Variants in KMT2D observed in about 807,000 individuals in gnomAD.
The protein encoded by KMT2D is histone-lysine N-methyltransferase 2D.
A neutral mutation model predicts 512.7 loss-of-function variants in KMT2D; 55 were observed. The ratio of observed to expected loss-of-function variants is 0.11; its 90% CI spans 0.09 to 0.13. KMT2D has a LOEUF of 0.13. KMT2D is among the 10% of genes least tolerant of loss of function. The pLI is 1.00. For missense variants in KMT2D, 6,061 were observed against 7,127.9 expected (o/e 0.85, Z 5.39); for synonymous variants, 2,995 against 2,904.0 (o/e 1.03, Z -1.01).
Position 49,033,645 on chromosome 12 carries a change from C to A in KMT2D, c.11060G>T (p.Gly3687Val). Residue 3687 changes from glycine (G) to valine (V), a missense_variant, in exon 40 of 55, where the codon GGT (glycine) becomes GTT (valine). Transcript: ENST00000301067. ...LAQQQQQQHS[G>V]GAGSLAGPSG... The stretch of plus-strand genomic sequence containing the variant: ...AGGGCCAGCCAGGGATCCAGCCCCA[C>A]CAGAATGTTGCTGTTGCTGCTGTTG... 6.2e-7 allele frequency: 1 copy of A among 1,613,764 alleles called. No individual in the cohort carries two copies. Among genetic ancestry groups the A allele is most frequent in the Non-Finnish European group, 8.5e-7 (1 of 1,179,900 alleles).
In KMT2D at chr12:49,043,443, C is replaced by T. The variant is rs2120568778; in HGVS notation, c.5468-15G>A. On this transcript the variant is annotated splice_polypyrimidine_tract_variant and intron_variant, in intron 24 of 54. Transcript: ENST00000301067. ...ACCATCATCTCCTATGAGCAAGAGT[C>T]CCCCCTCCAATCAGAGATGTCCTAC... 4 of 1,613,354 alleles carry T rather than the reference C, an allele frequency of 2.5e-6. No individual in the cohort carries two copies. The highest frequency in any genetic ancestry group is 3.4e-6 in the Non-Finnish European group (4 of 1,179,414).
At position 49,026,279 on chromosome 12, in the gene KMT2D, G is replaced by A. The variant is rs777880537; in HGVS notation, c.15687C>T (p.Arg5229=). The A allele has an allele frequency of 1.7e-5, 27 of 1,611,724 alleles. No homozygotes were observed. The South Asian group carries it at 2.7e-4, about 16-fold the overall frequency. The stretch of plus-strand genomic sequence containing the variant: ...GCCCGTTGTTCTCACCAATAGAACA[G>A]CGATAGCAGCAGCGACGATTGTTGG... ...LRTNNRRCCY[R]CSIGENNGRP... Residue 5229 remains arginine, a synonymous_variant, in exon 49 of 55, where the codon CGC becomes CGT. Coordinates refer to ENST00000301067, the MANE Select transcript of KMT2D (RefSeq NM_003482.4). This position sits in a 1 kb window ranked among gnomAD's most constrained non-coding sequence, Gnocchi z 9.6.
chr12:49,045,595 G>A (rs971146566), intron 19 of KMT2D, among the ~76,000 whole-genome samples: 1 of 148,606 alleles, frequency 6.7e-6, no homozygotes, highest in Non-Finnish European at 1.5e-5. Context: ...AATGTGCCAA[G>A]CTTGTGCCAC....
rs746686582 is a variant in KMT2D at position 49,042,360 on chromosome 12, C to T, written c.5868-30G>A. On this transcript the variant is annotated intron_variant, in intron 28 of 54. Coordinates refer to ENST00000301067, the MANE Select transcript of KMT2D (RefSeq NM_003482.4). This position sits in a 1 kb window ranked among gnomAD's most constrained non-coding sequence, Gnocchi z 4.4. ...GGCGCAGGGGCAGAGAGTCACAGGG[C>T]GCAGGGATGCCAAGTCCCACCCCAG... is the stretch of plus-strand genomic sequence containing the variant. The T allele has an allele frequency of 2.2e-5, 33 of 1,499,642 alleles. No homozygotes were observed. Among genetic ancestry groups the T allele is most frequent in the East Asian group, 4.9e-5 (2 of 40,930 alleles). 92.9% of individuals were successfully genotyped at this position (1,499,642 alleles called of 1,614,324 possible).
chr12:49,035,087 G>C (rs573635774), intron 35 of KMT2D, among the ~76,000 whole-genome samples, 152 bp from the exon 36 acceptor site: 1 of 152,276 alleles, frequency 6.6e-6, no homozygotes, highest in East Asian at 1.9e-4. Context: ...CAGTCGGCCT[G>C]GGTGAATCAG....
rs757142861 is a variant in KMT2D at position 49,051,165 on chromosome 12, G to A, written c.2518C>T (p.Pro840Ser). The A allele has an allele frequency of 4.0e-6, 6 of 1,513,596 alleles. No individual in the cohort carries two copies. The highest frequency in any genetic ancestry group is 5.3e-6 in the Non-Finnish European group (6 of 1,128,118). The allele number at this position is 1,513,596 out of a possible 1,614,324, so 93.8% of individuals were successfully genotyped here. Reference sequence around the variant, plus strand: ...TCCTCAGGCCGGGGGGACAGGCATGGCTCCTCAGACTGGGGGGACAGGTGT... The same window carrying A: ...TCCTCAGGCCGGGGGGACAGGCATGACTCCTCAGACTGGGGGGACAGGTGT... ...ESHLSPQSEE[P>S]CLSPRPEESH... Residue 840 changes from proline to serine, a missense_variant, in exon 11 of 55, where the codon CCA becomes TCA. Coordinates refer to ENST00000301067, the MANE Select transcript of KMT2D (RefSeq NM_003482.4).
At position 49,044,800 on chromosome 12, in the gene KMT2D, C is replaced by A. The variant is rs2120587797; in HGVS notation, c.4907G>T (p.Gly1636Val). The change falls in exon 20 of 55, where the codon GGC becomes GTC. Residue 1636 changes from glycine to valine, a missense_variant. Coordinates refer to ENST00000301067, the MANE Select transcript of KMT2D (RefSeq NM_003482.4). The surrounding 1 kb of genome is among the most constrained non-coding windows in gnomAD (Gnocchi z 6.4). ...LEGSEPSDAL[G>V]PDDKKDGDLD... ...GTCCCCATCCTTCTTGTCATCAGGG[C>A]CAAGGGCATCTGAGGGCTCAGAACC... The A allele has an allele frequency of 1.9e-6, 3 of 1,614,056 alleles. No individual in the cohort carries two copies. The highest frequency in any genetic ancestry group is 2.5e-6 in the Non-Finnish European group (3 of 1,179,896).
Position 49,053,521 on chromosome 12 carries a change from C to A in KMT2D, c.794G>T (p.Arg265Leu). 6.2e-7 allele frequency: 1 copy of A among 1,606,310 alleles called. No homozygotes were observed. Among genetic ancestry groups the A allele is most frequent in the Non-Finnish European group, 8.5e-7 (1 of 1,176,276 alleles). ...CLDTALTARK[R>L]AGWQCPECKV... ...GCATTCAGGGCACTGCCAGCCAGCA[C>A]GTTTGCGGGCAGTCAGAGCAGTGTC... The change falls in exon 7 of 55, where the codon CGT becomes CTT. Residue 265 changes from arginine (R) to leucine (L), a missense_variant. Transcript: ENST00000301067.
In KMT2D at chr12:49,046,006, G is replaced by C. The variant is rs2120598204; in HGVS notation, c.4694-39C>G. 6.2e-7 allele frequency: 1 copy of C among 1,613,534 alleles called. No individual in the cohort carries two copies. Among genetic ancestry groups the C allele is most frequent in the Non-Finnish European group, 8.5e-7 (1 of 1,179,578 alleles). On this transcript the variant is annotated intron_variant, in intron 18 of 54. Transcript: ENST00000301067. This position sits in a 1 kb window ranked among gnomAD's most constrained non-coding sequence, Gnocchi z 4.2. ...GACAAACGGAGGTGGCTGAGGTCCTGTCCCAAAGCAAGGTACCCCTGCTCT... is the reference window on the plus strand; with the variant it reads ...GACAAACGGAGGTGGCTGAGGTCCTCTCCCAAAGCAAGGTACCCCTGCTCT...
At position 49,024,846 on chromosome 12, in the gene KMT2D, C is replaced by T. The variant is rs747026806; in HGVS notation, c.15885G>A (p.Gly5295=). 6.2e-7 allele frequency: 1 copy of T among 1,612,488 alleles called. No individual in the cohort carries two copies. The highest frequency in any genetic ancestry group is 1.1e-5 in the South Asian group (1 of 90,724). ...PEYLKGEELF[G]LTVHAVLRIA... is the part of the protein sequence containing the mutation. ...TGCGAAGCACGGCATGCACCGTCAG[C>T]CCAAAGAGCTCCTCGCCCTTCAGAT... Residue 5295 remains glycine (G), a synonymous_variant, in exon 50 of 55, where the codon GGG becomes GGA. Coordinates refer to ENST00000301067, the MANE Select transcript of KMT2D (RefSeq NM_003482.4). This position sits in a 1 kb window ranked among gnomAD's most constrained non-coding sequence, Gnocchi z 4.5.
In KMT2D at chr12:49,046,551, A is replaced by G. The variant is rs2120608454; in HGVS notation, c.4418+58T>C. 6 of 1,578,596 alleles carry G rather than the reference A, an allele frequency of 3.8e-6. No homozygotes were observed. The highest frequency in any genetic ancestry group is 1.2e-5 in the South Asian group (1 of 86,120). ...CAGCCTCTGTCACATACTCAACATC[A>G]TATCCACTTTAACATCTCAAGGCCC... On this transcript the variant is annotated intron_variant, in intron 16 of 54. Transcript: ENST00000301067. The surrounding 1 kb of genome is among the most constrained non-coding windows in gnomAD (Gnocchi z 4.2).
At position 49,024,727 on chromosome 12, in the gene KMT2D, C is replaced by T. The variant is rs992466578; in HGVS notation, c.15922-19G>A. On this transcript the variant is annotated intron_variant, in intron 50 of 54. Coordinates refer to ENST00000301067, the MANE Select transcript of KMT2D (RefSeq NM_003482.4). This position sits in a 1 kb window ranked among gnomAD's most constrained non-coding sequence, Gnocchi z 4.5. ...CGGGCAGCTGTGGGCACAGTTCATA[C>T]TCACCTTAGCCTGAGTTTTTTTGGG... 5.0e-6 allele frequency: 8 copies of T among 1,612,140 alleles called. No homozygotes were observed. The highest frequency in any genetic ancestry group is 1.3e-5 in the African/African-American group (1 of 74,892).
In KMT2D at chr12:49,046,277, C is replaced by T. The variant is rs761690311; in HGVS notation, c.4566G>A (p.Gln1522=). ...APYVEEDLLI[Q]CRHCERWMHA... is the part of the protein sequence containing the mutation. ...GTTCTCACCGTTCACAGTGGCGGCA[C>T]TGGATTAGTAGGTCCTCTTCTACGT... Residue 1522 remains glutamine, a synonymous_variant, in exon 17 of 55, where the codon CAG becomes CAA. Coordinates refer to ENST00000301067, the MANE Select transcript of KMT2D (RefSeq NM_003482.4). This position sits in a 1 kb window ranked among gnomAD's most constrained non-coding sequence, Gnocchi z 4.2. 8 of 1,613,894 alleles carry T rather than the reference C, an allele frequency of 5.0e-6. No homozygotes were observed. Among genetic ancestry groups the T allele is most frequent in the African/African-American group, 4.0e-5 (3 of 74,906 alleles).
rs750348927 is a variant in KMT2D, at chr12:49,040,950, A to C, written c.6820T>G (p.Ser2274Ala). ...CGGGACTCCCCAAAAGGTGGGGGCG[A>C]GAGCAGGGGCTCGGAAGCTTTGCCT... ...GGGKASEPLL[S>A]PPPFGESRKA... The change falls in exon 32 of 55, where the codon TCG becomes GCG. Residue 2274 changes from serine to alanine, a missense_variant. Transcript: ENST00000301067. 6.2e-7 allele frequency: 1 copy of C among 1,612,312 alleles called. No homozygotes were observed. Among genetic ancestry groups the C allele is most frequent in the Non-Finnish European group, 8.5e-7 (1 of 1,179,018 alleles).
chr12:49,046,418 C>T lies in KMT2D; in HGVS notation c.4425G>A (p.Val1475=), dbSNP rs2120606120. ...PKGGWKCKWC[V]SCMQCGAASP... Reference sequence around the variant, plus strand: ...AAGCAGCCCCACACTGCATACAGGACACACACCTGATAGGAGCAGGAAAAC... The same window carrying T: ...AAGCAGCCCCACACTGCATACAGGATACACACCTGATAGGAGCAGGAAAAC... The change falls in exon 17 of 55, where the codon GTG becomes GTA. Residue 1475 remains valine (V), a synonymous_variant. Transcript: ENST00000301067. The surrounding 1 kb of genome is among the most constrained non-coding windows in gnomAD (Gnocchi z 4.2). 1 of 1,613,862 alleles carries T rather than the reference C, an allele frequency of 6.2e-7. No individual in the cohort carries two copies. Among genetic ancestry groups the T allele is most frequent in the Non-Finnish European group, 8.5e-7 (1 of 1,179,840 alleles).
rs1214747607 is a variant in KMT2D, at chr12:49,031,302, C to T, written c.13403G>A (p.Arg4468Gln). The change falls in exon 40 of 55, where the codon CGG (arginine) becomes CAG (glutamine). Residue 4468 changes from arginine to glutamine, a missense_variant. By Grantham distance (43) the Arg-to-Gln change is conservative (BLOSUM62 1). Transcript: ENST00000301067. ...AGHLLLQKLL[R>Q]AKNVQLSTGR... ...AGTGCTGAGTTGCACATTCTTTGCC[C>T]GGAGTAGCTTCTGCAAGAGCAGATG... The T allele has an allele frequency of 4.3e-6, 7 of 1,613,430 alleles. No homozygotes were observed. The highest frequency in any genetic ancestry group is 4.5e-5 in the East Asian group (2 of 44,890).
At position 49,054,784 on chromosome 12, in the gene KMT2D, G is replaced by A; in HGVS notation, c.177-33C>T. On this transcript the variant is annotated intron_variant, in intron 3 of 54. Coordinates refer to ENST00000301067, the MANE Select transcript of KMT2D (RefSeq NM_003482.4). The surrounding 1 kb of genome is among the most constrained non-coding windows in gnomAD (Gnocchi z 6.4). ...CACACAAGCATCAGTACCACGCCAG[G>A]CCCCCAGCAACCCCATGATCTGGCA... 1.2e-6 allele frequency: 2 copies of A among 1,607,824 alleles called. No individual in the cohort carries two copies. The highest frequency in any genetic ancestry group is 1.7e-6 in the Non-Finnish European group (2 of 1,174,696).
rs1938333751 is a variant in KMT2D, at chr12:49,055,158, A to G, written c.49+118T>C. ...GATATTTCAACTGTTGTCCCAAAGAACAAAGTTGTTCCATTACTTATCTGC... is the reference window on the plus strand; with the variant it reads ...GATATTTCAACTGTTGTCCCAAAGAGCAAAGTTGTTCCATTACTTATCTGC... On this transcript the variant is annotated intron_variant, in intron 2 of 54. Transcript: ENST00000301067. 6 of 1,549,054 alleles carry G rather than the reference A, an allele frequency of 3.9e-6. No homozygotes were observed. In the South Asian group the frequency reaches 5.6e-5, roughly 14 times the overall value.
rs764603750 is a variant in KMT2D, at chr12:49,045,932, C to T, written c.4729G>A (p.Val1577Met). The change falls in exon 19 of 55, where the codon GTG (valine) becomes ATG (methionine). Residue 1577 changes from valine (V) to methionine (M), a missense_variant. Transcript: ENST00000301067. ...TTCTGTGACTCACCTGGCTCTTTCA[C>T]CTTCATGGGCACCAGCTCTGGAGGT... ...VAPPELVPMKVKEPEPQYFRF... is the reference protein window; with the variant it reads ...VAPPELVPMKMKEPEPQYFRF... 24 of 1,613,916 alleles carry T rather than the reference C, an allele frequency of 1.5e-5. No homozygotes were observed. The highest frequency in any genetic ancestry group is 1.4e-5 in the Non-Finnish European group (17 of 1,179,830).
Sources: gnomAD v4.1 joint callset for allele counts (sites outside exome capture counted in the v4.1 genomes callset) on GRCh38, gnomAD v4.1.1 for gene constraint, Gnocchi (gnomAD v3.1) non-coding constraint, MANE v1.5 for transcripts, NCBI Gene and HGNC (gene_info 2026-07-23, HGNC 2026-07-21) for gene names.